The following SCAPER variants were observed in gnomAD, a reference collection of about 807,000 sequenced individuals.
SCAPER encodes S phase cyclin A-associated protein in the endoplasmic reticulum.
SCAPER carries 98 observed loss-of-function variants against 182.2 expected under a neutral mutation model. The observed-to-expected ratio is 0.54, with a 90% CI of 0.46 to 0.64. The LOEUF (loss-of-function observed/expected upper bound fraction) is 0.64. Ranked by LOEUF, SCAPER falls within the 30% of genes least tolerant of loss-of-function variation. The probability of loss-of-function intolerance (pLI) is 0.00; values close to 1 mark genes in which losing one functional copy is unlikely to be tolerated. For missense variants in SCAPER, 1,432 were observed against 1,690.0 expected, an observed-to-expected ratio of 0.85 and a Z score of 2.68; for synonymous variants, 605 against 564.6, an observed-to-expected ratio of 1.07 and a Z score of -1.01.
chr15:76,649,019 C>T (rs145063774), intron 21 of SCAPER, among the ~76,000 whole-genome samples: 209 of 152,364 alleles, frequency 1.4e-3, no homozygotes, highest in African/African-American at 4.7e-3. Context: ...AAATCAGACA[C>T]CGCCTCCTCA....
At chr15:76,528,079 C>T (rs570022112) in intron 23 of SCAPER, among the ~76,000 whole-genome samples, 1 of 152,204 alleles carries the variant, frequency 6.6e-6, no homozygotes, top group East Asian at 1.9e-4. Context: ...GTAAACAGTA[C>T]AAGTTTTGCA....
At chr15:76,846,292 T>A (rs987660188) in intron 4 of SCAPER, among the ~76,000 whole-genome samples, 1 of 151,942 alleles carries the variant, frequency 6.6e-6, no homozygotes, top group African/African-American at 2.4e-5. Context: ...GGCAAAAATT[T>A]CTTGAGCAAT....
chr15:76,393,266 G>T (rs1025873334), intron 27 of SCAPER, among the ~76,000 whole-genome samples: 1 of 152,198 alleles, frequency 6.6e-6, no homozygotes, highest in Admixed American at 6.5e-5. Context: ...GACAGCGTGA[G>T]CAGGACTCTT....
chr15:76,406,303 C>A (rs562261818), intron 26 of SCAPER, among the ~76,000 whole-genome samples: 20 of 151,826 alleles, frequency 1.3e-4, no homozygotes, highest in Non-Finnish European at 2.4e-4. Context: ...TATGGTGAAA[C>A]CCTGTCTCTA....
chr15:76,376,028 A>G, intron 29 of SCAPER, 134 bp downstream of exon 29: 1 of 1,074,256 alleles, frequency 9.3e-7, no homozygotes, highest in African/African-American at 1.6e-5. Flanking sequence ...CTAGAGGCAT[A>G]TTCCTGCAGT....
intron 2 of SCAPER, among the ~76,000 whole-genome samples, chr15:76,878,290 G>C (rs1013939219): frequency 2.0e-5 from 3 of 152,120 alleles, no homozygotes; most frequent in Non-Finnish European, 4.4e-5. Flanking sequence ...TAAAACCAAT[G>C]GGGCAATTGG....
chr15:76,458,227 C>T (rs931762301), intron 25 of SCAPER, among the ~76,000 whole-genome samples: 1 of 151,974 alleles, frequency 6.6e-6, no homozygotes, highest in African/African-American at 2.4e-5. Flanking sequence ...TATACACACA[C>T]ACACATATAC....
At position 76,497,565 on chromosome 15, in the gene SCAPER, T is replaced by G. The variant is rs538121492; in HGVS notation, c.2954+7294A>C. Among the ~76,000 whole-genome samples the G allele has an allele frequency of 1.3e-3, 190 of 151,848 alleles. 2 individuals carry two copies. The highest frequency in any genetic ancestry group is 1.3e-3 in the Non-Finnish European group (88 of 67,930). Reference sequence around the variant, plus strand: ...CAAGCCAACAAGAAAGAAGAAAAGGTAACAAGGAAGGAAACTCATAGTAAA... The same window carrying G: ...CAAGCCAACAAGAAAGAAGAAAAGGGAACAAGGAAGGAAACTCATAGTAAA... On this transcript the variant is annotated intron_variant, in intron 24 of 31. Transcript: ENST00000563290.
chr15:76,832,032 C>T (rs759899127), intron 5 of SCAPER, among the ~76,000 whole-genome samples: 5 of 152,222 alleles, frequency 3.3e-5, no homozygotes, highest in Non-Finnish European at 5.9e-5. Flanking sequence ...TCACCACACA[C>T]AGATGAGAAA....
At chr15:76,554,587 T>G (rs2046042029) in intron 23 of SCAPER, among the ~76,000 whole-genome samples, 1 of 152,086 alleles carries the variant, frequency 6.6e-6, no homozygotes, top group African/African-American at 2.4e-5. Context: ...TACCTCCAGC[T>G]TAAGTTCTTT....
At chr15:76,511,118 G>A (rs187932809) in intron 23 of SCAPER, among the ~76,000 whole-genome samples, 9 of 152,192 alleles carry the variant, frequency 5.9e-5, no homozygotes, top group African/African-American at 2.2e-4. Context: ...GTAGGAAGAG[G>A]GTGAGGGATA....
intron 22 of SCAPER, among the ~76,000 whole-genome samples, chr15:76,613,165 A>G (rs2051152937): frequency 6.6e-6 from 1 of 152,236 alleles, no homozygotes; most frequent in Non-Finnish European, 1.5e-5. Flanking sequence ...AAAGCAAGCA[A>G]TGGGAAAAGG....
Position 76,603,319 on chromosome 15 carries a change from A to T in SCAPER, c.2711+18445T>A, listed in dbSNP as rs543250019. Among the ~76,000 whole-genome samples the T allele has an allele frequency of 7.2e-4, 86 of 120,110 alleles. 21 individuals carry two copies. In the East Asian group the frequency reaches 0.016, roughly 22 times the overall value. 78.8% of individuals were successfully genotyped at this position (120,110 alleles called of 152,430 possible). ...TCCTTGCGATAGTTTGCTGAGAATGATGATTTCCAATTTCATCCATGTCCC... is the reference window on the plus strand; with the variant it reads ...TCCTTGCGATAGTTTGCTGAGAATGTTGATTTCCAATTTCATCCATGTCCC... On this transcript the variant is annotated intron_variant, in intron 22 of 31. Coordinates refer to ENST00000563290, the MANE Select transcript of SCAPER (RefSeq NM_020843.4).
At chr15:76,725,780 C>T (rs533002925) in intron 17 of SCAPER, among the ~76,000 whole-genome samples, 3 of 151,790 alleles carry the variant, frequency 2.0e-5, no homozygotes, top group Non-Finnish European at 4.4e-5. Flanking sequence ...GATGGGAAAA[C>T]TGAGTATGTG....
intron 20 of SCAPER, among the ~76,000 whole-genome samples, chr15:76,690,863 C>T (rs116758236): frequency 1.3e-5 from 2 of 151,752 alleles, no homozygotes; most frequent in Non-Finnish European, 2.9e-5. Flanking sequence ...AAACTATAGA[C>T]GAAGTTCATA....
chr15:76,489,292 A>G (rs573060751), intron 24 of SCAPER, among the ~76,000 whole-genome samples: 1 of 148,792 alleles, frequency 6.7e-6, no homozygotes, highest in Admixed American at 6.6e-5. Context: ...CTCTTTTGCT[A>G]TGTAATTTTA....
chr15:76,577,366 G>A (rs573666537), intron 22 of SCAPER, among the ~76,000 whole-genome samples: 7 of 152,264 alleles, frequency 4.6e-5, no homozygotes, highest in African/African-American at 1.7e-4. Flanking sequence ...AGGATCAATT[G>A]AGTCTCAAAG....
intron 5 of SCAPER, among the ~76,000 whole-genome samples, chr15:76,806,956 G>C (rs2066209257): frequency 6.6e-6 from 1 of 152,018 alleles, no homozygotes; most frequent in Admixed American, 6.5e-5. Context: ...TAATAATTGG[G>C]GGGCAGGTGT....
At position 76,413,814 on chromosome 15, in the gene SCAPER, A is replaced by C. The variant is rs115879141; in HGVS notation, c.3312-9135T>G. Among the ~76,000 whole-genome samples, 548 of 152,300 alleles carry C rather than the reference A, an allele frequency of 3.6e-3. 3 individuals carry two copies. Among genetic ancestry groups the C allele is most frequent in the African/African-American group, 0.013 (529 of 41,546 alleles). On this transcript the variant is annotated intron_variant, in intron 26 of 31. Transcript: ENST00000563290. Reference sequence around the variant, plus strand: ...GTTGTTTCCGTGGGACCTGGGGGTAAGAAAAACTGATGAGAACATAAAGTT... The same window carrying C: ...GTTGTTTCCGTGGGACCTGGGGGTACGAAAAACTGATGAGAACATAAAGTT...
Sources: allele counts gnomAD v4.1 joint callset (sites outside exome capture counted in the v4.1 genomes callset), GRCh38; gene constraint gnomAD v4.1.1; transcripts MANE v1.5; gene names NCBI Gene and HGNC (gene_info 2026-07-23, HGNC 2026-07-21).